Variants in ATAD2B observed in about 807,000 individuals in gnomAD.
ATAD2B encodes ATPase family AAA domain-containing protein 2B.
ATAD2B carries 40 observed loss-of-function variants against 167.6 expected under a neutral mutation model. The ratio of observed to expected loss-of-function variants is 0.24; its 90% CI spans 0.19 to 0.31. The LOEUF (loss-of-function observed/expected upper bound fraction) is 0.31. ATAD2B is among the 10% of genes least tolerant of loss of function. ATAD2B has a pLI of 1.00. For missense variants in ATAD2B, 1,242 were observed against 1,757.2 expected, an observed-to-expected ratio of 0.71 and a Z score of 5.24; for synonymous variants, 579 against 596.5, an observed-to-expected ratio of 0.97 and a Z score of 0.43.
At chr2:23,790,471 T>C (rs1025652088) in intron 19 of ATAD2B, among the ~76,000 whole-genome samples, 10 of 152,332 alleles carry the variant, frequency 6.6e-5, no homozygotes, top group African/African-American at 1.9e-4. Context: ...TTTTCAATAC[T>C]ATGTTAACAC....
At chr2:23,745,368 A>G (rs370148360), downstream of ATAD2B, among the ~76,000 whole-genome samples, 45 of 52,908 alleles carry the variant, frequency 8.5e-4, no homozygotes, top group Admixed American at 2.6e-3. Flanking sequence ...AAGGAAGGAA[A>G]GAAGGAAGGA....
intron 1 of ATAD2B, among the ~76,000 whole-genome samples, chr2:23,920,976 G>A (rs768333174): frequency 8.5e-5 from 13 of 152,112 alleles, no homozygotes; most frequent in East Asian, 3.9e-4. Flanking sequence ...AGACCGAGGC[G>A]GGCGGGTCGC....
intron 5 of ATAD2B, among the ~76,000 whole-genome samples, chr2:23,885,410 T>A (rs998849647): frequency 2.0e-5 from 3 of 152,206 alleles, no homozygotes; most frequent in Non-Finnish European, 4.4e-5. Context: ...AGCCAGATCA[T>A]CAACATCAAG....
At chr2:23,810,570 C>A in intron 17 of ATAD2B, 68 bp from the exon 18 acceptor site, 2 of 1,335,396 alleles carry the variant, frequency 1.5e-6, no homozygotes, top group South Asian at 1.5e-5. Context: ...AAATATCAGG[C>A]AAAATTTTTA....
chr2:23,784,392 C>T (rs1680501282), intron 21 of ATAD2B, among the ~76,000 whole-genome samples: 1 of 151,998 alleles, frequency 6.6e-6, no homozygotes, highest in Non-Finnish European at 1.5e-5. Flanking sequence ...CCAGAGACTC[C>T]TATGTTCTCA....
chr2:23,823,452 A>G lies in ATAD2B; in HGVS notation c.1937T>C (p.Ile646Thr), dbSNP rs1687777582. The change falls in exon 16 of 28, where the codon ATA becomes ACA. Residue 646 changes from isoleucine (I) to threonine (T), a missense_variant. Physicochemically the swap from Ile to Thr is moderately conservative, Grantham distance 89. Around this residue, in one of 9 missense-constraint regions of ATAD2B, gnomAD observed 151 missense variants for 284.1 expected, o/e 0.53. Transcript: ENST00000238789. ...GTAAAAATCTTGGGCACTAAGCACT[A>G]TTGAGGAAACATCCAGCTGCAGTTT... ...SHKLQLDVSSIVLSAQDFYHA... is the reference protein window; with the variant it reads ...SHKLQLDVSSTVLSAQDFYHA... The G allele has an allele frequency of 6.2e-7, 1 of 1,613,908 alleles. No individual in the cohort carries two copies. The highest frequency in any genetic ancestry group is 8.5e-7 in the Non-Finnish European group (1 of 1,179,906).
At chr2:23,865,965 G>C (rs1444893142) in intron 10 of ATAD2B, 1 of 962,434 alleles carries the variant, frequency 1.0e-6, no homozygotes, top group Non-Finnish European at 1.2e-6. Context: ...TCTTCATTCT[G>C]TTATGGTACT....
At chr2:23,686,093 G>C in the ATAD2B span, among the ~76,000 whole-genome samples, 2 of 152,166 alleles carry the variant, frequency 1.3e-5, no homozygotes, top group African/African-American at 4.8e-5. Context: ...TTCTTGGGCT[G>C]AGAAGAGGGA....
intron 13 of ATAD2B, among the ~76,000 whole-genome samples, chr2:23,847,664 C>T (rs1408019508): frequency 6.7e-6 from 1 of 149,810 alleles, no homozygotes; most frequent in Non-Finnish European, 1.5e-5. Flanking sequence ...AAAAACAAAG[C>T]TGTTTTTGCT....
At chr2:23,737,995 G>C in the ATAD2B span, among the ~76,000 whole-genome samples, 5 of 152,106 alleles carry the variant, frequency 3.3e-5, no homozygotes, top group Admixed American at 3.3e-4. Flanking sequence ...GAGAAGTTTA[G>C]AGAAAAAAGA....
At chr2:23,925,862 CTTGT>C (rs1310215413) in intron 1 of ATAD2B, among the ~76,000 whole-genome samples, 2 of 152,194 alleles carry the variant, frequency 1.3e-5, no homozygotes, top group Non-Finnish European at 2.9e-5. Context: ...AAACATTCCA[CTTGT>C]TTCTTTCGAC....
Position 23,926,839 on chromosome 2 carries a change from T to A in ATAD2B, c.-69A>T, listed in dbSNP as rs1363363402. 4.8e-6 allele frequency: 7 copies of A among 1,446,014 alleles called. No homozygotes were observed. Among genetic ancestry groups the A allele is most frequent in the Non-Finnish European group, 5.5e-6 (6 of 1,099,554 alleles). 89.6% of individuals were successfully genotyped at this position (1,446,014 alleles called of 1,614,324 possible). On this transcript the variant is annotated 5_prime_UTR_variant, in exon 1 of 28. Transcript: ENST00000238789. ...CGAGCAAGGCCGGCCCGCCGGCCGG[T>A]CAGTCAGGGCCAGCGGAGCCGAGCC...
Position 23,752,021 on chromosome 2 carries a change from G to A in ATAD2B, c.*25C>T. On this transcript the variant is annotated 3_prime_UTR_variant, in exon 28 of 28. Transcript: ENST00000238789. Reference sequence around the variant, plus strand: ...TGCTCTGTGAGGAGCAGATTGGAGAGGATAAACCACTCATCTTGAAAAGTT... The same window carrying A: ...TGCTCTGTGAGGAGCAGATTGGAGAAGATAAACCACTCATCTTGAAAAGTT... The A allele has an allele frequency of 6.5e-7, 1 of 1,540,654 alleles. No individual in the cohort carries two copies. Among genetic ancestry groups the A allele is most frequent in the Non-Finnish European group, 8.8e-7 (1 of 1,133,140 alleles).
At chr2:23,902,573 G>A (rs756007705) in intron 1 of ATAD2B, among the ~76,000 whole-genome samples, 7 of 152,058 alleles carry the variant, frequency 4.6e-5, no homozygotes, top group Admixed American at 1.3e-4. Flanking sequence ...GAGAGAAGGC[G>A]TTACCAGTTT....
chr2:23,850,601 G>A (rs147277362), intron 13 of ATAD2B, among the ~76,000 whole-genome samples: 6 of 152,248 alleles, frequency 3.9e-5, no homozygotes, highest in Non-Finnish European at 8.8e-5. Flanking sequence ...TCTGGAAAAG[G>A]CAAAATTATG....
intron 23 of ATAD2B, among the ~76,000 whole-genome samples, chr2:23,764,337 T>C (rs1677128069): frequency 6.6e-6 from 1 of 152,200 alleles, no homozygotes; most frequent in South Asian, 2.1e-4. Flanking sequence ...TATCAAACTT[T>C]AGTGTACATA....
the ATAD2B span, among the ~76,000 whole-genome samples, chr2:23,737,235 C>G: frequency 1.3e-5 from 2 of 152,176 alleles, no homozygotes; most frequent in Admixed American, 1.3e-4. Flanking sequence ...GATCTGAGAA[C>G]GGGCAGACTG....
At chr2:23,820,451 G>A (rs1287858328) in intron 16 of ATAD2B, among the ~76,000 whole-genome samples, 1 of 151,808 alleles carries the variant, frequency 6.6e-6, no homozygotes, top group Non-Finnish European at 1.5e-5. Context: ...ATCACTCAGG[G>A]AACTAACTGG....
chr2:23,757,606 T>C lies in ATAD2B; in HGVS notation c.3890A>G (p.Asp1297Gly). ...TTCAGAACTACATTTATCTCCACTA[T>C]CACAGAAAGAAACTACTTCAAGCTT... ...NGKLEVVSFC[D>G]SGDKCSSEQK... The change falls in exon 25 of 28, where the codon GAT (aspartate) becomes GGT (glycine). Residue 1297 changes from aspartate (D) to glycine (G), a missense_variant. Around this residue, in one of 9 missense-constraint regions of ATAD2B, gnomAD observed 282 missense variants for 346.8 expected, o/e 0.81. Coordinates refer to ENST00000238789, the MANE Select transcript of ATAD2B (RefSeq NM_017552.4). The C allele has an allele frequency of 1.2e-6, 2 of 1,613,810 alleles. No individual in the cohort carries two copies. The highest frequency in any genetic ancestry group is 1.7e-6 in the Non-Finnish European group (2 of 1,179,740).
Sources: allele counts gnomAD v4.1 joint callset (sites outside exome capture counted in the v4.1 genomes callset), GRCh38; gene constraint gnomAD v4.1.1; regional missense constraint gnomAD v4.1.1; transcripts MANE v1.5; gene names NCBI Gene and HGNC (gene_info 2026-07-23, HGNC 2026-07-21).